Variants in CPQ observed in about 807,000 individuals in gnomAD.
The protein encoded by CPQ is Ser-Met dipeptidase.
A neutral mutation model predicts 45.7 loss-of-function variants in CPQ; 37 were observed. The observed-to-expected ratio is 0.81, with a 90% CI of 0.62 to 1.07. The LOEUF (loss-of-function observed/expected upper bound fraction) is 1.07. CPQ is among the 50% of genes least tolerant of loss of function. The pLI is 0.00. For synonymous variants in CPQ, 186 were observed against 205.8 expected, an observed-to-expected ratio of 0.90 and a Z score of 0.82; for missense variants, 537 against 572.9, an observed-to-expected ratio of 0.94 and a Z score of 0.64.
At chr8:97,041,720 T>A (rs1586509619) in intron 6 of CPQ, among the ~76,000 whole-genome samples, 1 of 152,218 alleles carries the variant, frequency 6.6e-6, no homozygotes, top group South Asian at 2.1e-4. Context: ...GTCAAAGGCC[T>A]TTTCTGCGTC....
chr8:97,088,512 C>G (rs1811075782), intron 7 of CPQ, among the ~76,000 whole-genome samples: 1 of 152,128 alleles, frequency 6.6e-6, no homozygotes, highest in Non-Finnish European at 1.5e-5. Context: ...ATTTTAAAAA[C>G]CAGCATGGGT....
intron 1 of CPQ, among the ~76,000 whole-genome samples, chr8:96,652,551 G>C (rs149429828): frequency 3.9e-5 from 6 of 152,294 alleles, no homozygotes; most frequent in South Asian, 2.1e-4. Context: ...GACCCTCCAT[G>C]AAGTTTTCTG....
intron 4 of CPQ, among the ~76,000 whole-genome samples, chr8:96,885,867 C>G (rs916917209): frequency 2.0e-5 from 3 of 152,042 alleles, no homozygotes; most frequent in African/African-American, 7.2e-5. Context: ...TGGCGGGCGC[C>G]TGTAGCCCCA....
At chr8:97,082,178 T>TTC (rs1810961307) in intron 7 of CPQ, among the ~76,000 whole-genome samples, 2 of 152,102 alleles carry the variant, frequency 1.3e-5, no homozygotes, top group South Asian at 4.1e-4. Context: ...AGGACACATA[T>TTC]TCTCTCTCTC....
intron 4 of CPQ, among the ~76,000 whole-genome samples, chr8:96,926,576 C>CTCTTCCTCTTCCTCTTCCTCTTCT (rs1445697100): frequency 1.1e-4 from 8 of 75,036 alleles, no homozygotes; most frequent in African/African-American, 3.3e-4. Context: ...CTTCCTCTTC[C>CTCTTCCTCTTCCTCTTCCTCTTCT]TCTTCTTCTT....
intron 5 of CPQ, among the ~76,000 whole-genome samples, chr8:97,015,077 A>T (rs4428645): frequency 0.54 from 81,641 of 151,988 alleles, 23,493 homozygotes; most frequent in Non-Finnish European, 0.64. Context: ...ATAAAATTTA[A>T]AAAACCATTT....
chr8:97,054,144 T>C (rs905854125), intron 6 of CPQ, among the ~76,000 whole-genome samples: 2 of 152,020 alleles, frequency 1.3e-5, no homozygotes, highest in African/African-American at 4.8e-5. Context: ...AAAGAAGATA[T>C]ACAAATGGCC....
At chr8:96,737,254 C>CACA (rs1554561400) in intron 1 of CPQ, among the ~76,000 whole-genome samples, 3 of 124,808 alleles carry the variant, frequency 2.4e-5, no homozygotes, top group African/African-American at 1.0e-4. Context: ...CACACACACA[C>CACA]AAAAAAAAAC....
intron 7 of CPQ, among the ~76,000 whole-genome samples, chr8:97,130,017 A>G (rs768286314): frequency 4.6e-5 from 7 of 152,168 alleles, no homozygotes; most frequent in Non-Finnish European, 1.0e-4. Context: ...TACATTGTAA[A>G]CGTAACTGTG....
intron 7 of CPQ, among the ~76,000 whole-genome samples, chr8:97,080,730 A>G (rs1159330062): frequency 1.3e-5 from 2 of 152,210 alleles, no homozygotes; most frequent in Non-Finnish European, 2.9e-5. Context: ...CATGATAACT[A>G]AACTTACTTT....
At chr8:97,024,010 T>C (rs1809754356) in intron 5 of CPQ, among the ~76,000 whole-genome samples, 1 of 152,214 alleles carries the variant, frequency 6.6e-6, no homozygotes, top group Admixed American at 6.5e-5. Flanking sequence ...TCCTCAGCCA[T>C]TGTTCCCTAA....
chr8:97,073,185 G>T (rs1052277155), intron 7 of CPQ, among the ~76,000 whole-genome samples: 1 of 152,116 alleles, frequency 6.6e-6, no homozygotes, highest in African/African-American at 2.4e-5. Flanking sequence ...AGAATTTCAC[G>T]TATTTTCCAT....
rs572973653 is a variant in CPQ at position 96,873,764 on chromosome 8, C to G, written c.642-6034C>G. Among the ~76,000 whole-genome samples the G allele has an allele frequency of 2.0e-4, 31 of 151,780 alleles. No individual in the cohort carries two copies. The South Asian group carries it at 5.4e-3, about 26-fold the overall frequency. Reference sequence around the variant, plus strand: ...TTATCTTAGTCAATGTGTTATATGCCCCTGCACAGACTTATATATTCTTCA... The same window carrying G: ...TTATCTTAGTCAATGTGTTATATGCGCCTGCACAGACTTATATATTCTTCA... On this transcript the variant is annotated intron_variant, in intron 3 of 7. Transcript: ENST00000220763.
intron 2 of CPQ, among the ~76,000 whole-genome samples, chr8:96,832,331 T>C (rs1811470107): frequency 1.3e-5 from 2 of 152,284 alleles, no homozygotes; most frequent in African/African-American, 4.8e-5. Context: ...TGAGTTCCTA[T>C]GGGAGAAGGG....
At chr8:97,119,443 T>TAAAA (rs34411965) in intron 7 of CPQ, among the ~76,000 whole-genome samples, 1 of 143,982 alleles carries the variant, frequency 6.9e-6, no homozygotes, top group Non-Finnish European at 1.5e-5. Flanking sequence ...TCTTACACTG[T>TAAAA]AAAAAAAAAA....
Position 96,709,929 on chromosome 8 carries a change from A to G in CPQ, c.-35+64527A>G, listed in dbSNP as rs145792570. Among the ~76,000 whole-genome samples the G allele has an allele frequency of 6.4e-4, 97 of 152,180 alleles. 2 individuals carry two copies. The East Asian group carries it at 0.01, about 16-fold the overall frequency. ...GTTAGGGAGGATTCCTTCTTTCTCA[A>G]TCTTTTGGAATAGTTTCAGTAGAAT... On this transcript the variant is annotated intron_variant, in intron 1 of 7. Transcript: ENST00000220763.
rs1250642422 is a variant in CPQ, at chr8:97,044,703, G to T, written c.1053+15209G>T. Reference sequence around the variant, plus strand: ...CTGTTTGTTAGTTTTCCTTCTAACAGACAGGACCCTCAGCTGCAGGTCTGT... The same window carrying T: ...CTGTTTGTTAGTTTTCCTTCTAACATACAGGACCCTCAGCTGCAGGTCTGT... On this transcript the variant is annotated intron_variant, in intron 6 of 7. Coordinates refer to ENST00000220763, the MANE Select transcript of CPQ (RefSeq NM_016134.4). Among the ~76,000 whole-genome samples, 4 of 152,290 alleles carry T rather than the reference G, an allele frequency of 2.6e-5. No homozygotes were observed. In the East Asian group the frequency reaches 7.7e-4, roughly 29 times the overall value.
At chr8:96,747,004 G>C (rs1439244480) in intron 1 of CPQ, among the ~76,000 whole-genome samples, 1 of 152,064 alleles carries the variant, frequency 6.6e-6, no homozygotes. Flanking sequence ...TTTAAAATTT[G>C]TTTGGGCCAG....
intron 4 of CPQ, among the ~76,000 whole-genome samples, chr8:96,941,166 A>G (rs1396295767): frequency 6.6e-6 from 1 of 152,114 alleles, no homozygotes; most frequent in Non-Finnish European, 1.5e-5. Context: ...TGGGTACTAC[A>G]TGGAGTGCCC....
Sources: gnomAD v4.1 joint callset for allele counts (sites outside exome capture counted in the v4.1 genomes callset) on GRCh38, gnomAD v4.1.1 for gene constraint, MANE v1.5 for transcripts, NCBI Gene and HGNC (gene_info 2026-07-23, HGNC 2026-07-21) for gene names.